The following GALNT10 variants were observed in gnomAD, a reference collection of about 807,000 sequenced individuals.
The protein encoded by GALNT10 is GalNAc transferase 10.
GALNT10 carries 41 observed loss-of-function variants against 75.0 expected under a neutral mutation model. The observed-to-expected ratio is 0.55, with a 90% confidence interval of 0.43 to 0.71. The LOEUF is 0.71. Ranked by LOEUF, GALNT10 falls within the 30% of genes least tolerant of loss-of-function variation. The pLI is 0.00. For synonymous variants in GALNT10, 302 were observed against 313.0 expected, an observed-to-expected ratio of 0.96 and a Z score of 0.37; for missense variants, 727 against 818.5, an observed-to-expected ratio of 0.89 and a Z score of 1.36.
chr5:154,260,887 A>T (rs971122290), intron 1 of GALNT10, among the ~76,000 whole-genome samples: 2 of 152,224 alleles, frequency 1.3e-5, no homozygotes. Context: ...TTACAATTTA[A>T]TTAACTGGTA....
intron 3 of GALNT10, among the ~76,000 whole-genome samples, chr5:154,305,967 G>A (rs144404049): frequency 2.6e-4 from 39 of 152,258 alleles, no homozygotes; most frequent in African/African-American, 7.7e-4. Flanking sequence ...GCAGTGAGCC[G>A]AGATTGCGCC....
chr5:154,299,725 C>T (rs79028314), intron 3 of GALNT10, among the ~76,000 whole-genome samples: 2,666 of 152,278 alleles, frequency 0.018, 78 homozygotes, highest in African/African-American at 0.061. Flanking sequence ...TAGGATTGGG[C>T]CCTTTTCCCA....
intron 7 of GALNT10, chr5:154,386,748 G>A: frequency 1.9e-6 from 1 of 533,046 alleles, no homozygotes. Context: ...CTGAGATTGA[G>A]ATGTCCAGCA....
chr5:154,243,478 A>T (rs540601745), intron 1 of GALNT10, among the ~76,000 whole-genome samples: 1 of 152,180 alleles, frequency 6.6e-6, no homozygotes, highest in Non-Finnish European at 1.5e-5. Flanking sequence ...AAAAGTGCCA[A>T]TATTACGTAG....
At chr5:154,408,316 C>T (rs1432822010) in intron 8 of GALNT10, among the ~76,000 whole-genome samples, 1 of 152,028 alleles carries the variant, frequency 6.6e-6, no homozygotes, top group African/African-American at 2.4e-5. Context: ...CTGCTAACTC[C>T]CCTTTAACCT....
intron 4 of GALNT10, among the ~76,000 whole-genome samples, chr5:154,372,748 C>T (rs1338683659): frequency 6.6e-6 from 1 of 152,034 alleles, no homozygotes; most frequent in Non-Finnish European, 1.5e-5. Flanking sequence ...CCTCGGCAGC[C>T]CCTGGGGCAG....
At chr5:154,312,356 C>G (rs4958727) in intron 3 of GALNT10, among the ~76,000 whole-genome samples, 68,519 of 152,016 alleles carry the variant, frequency 0.45, 16,782 homozygotes, top group East Asian at 0.63. Context: ...CCTCTCCCCT[C>G]TCTATCCCCC....
At chr5:154,283,513 G>A (rs188168543) in intron 1 of GALNT10, among the ~76,000 whole-genome samples, 4 of 152,178 alleles carry the variant, frequency 2.6e-5, no homozygotes, top group African/African-American at 9.6e-5. Context: ...AGAGTGAGGT[G>A]GGATAGGTAA....
intron 1 of GALNT10, among the ~76,000 whole-genome samples, chr5:154,220,815 C>G (rs1292453431): frequency 6.6e-6 from 1 of 152,156 alleles, no homozygotes; most frequent in Non-Finnish European, 1.5e-5. Flanking sequence ...GGCCACAGGA[C>G]CAAGCCAGTG....
chr5:154,291,059 G>T (rs566415081), intron 1 of GALNT10, among the ~76,000 whole-genome samples: 40 of 152,288 alleles, frequency 2.6e-4, no homozygotes, highest in African/African-American at 8.4e-4. Context: ...GGGATAGAGG[G>T]AGCAGTGTGC....
chr5:154,258,684 A>T (rs933788742), intron 1 of GALNT10, among the ~76,000 whole-genome samples: 2 of 152,132 alleles, frequency 1.3e-5, no homozygotes, highest in Admixed American at 1.3e-4. Flanking sequence ...ACTGTAAATG[A>T]TTCTTATTTC....
Position 154,416,543 on chromosome 5 carries a change from G to A in GALNT10, c.1654-271G>A, listed in dbSNP as rs1756515674. Among the ~76,000 whole-genome samples the A allele has an allele frequency of 6.7e-6, 1 of 149,138 alleles. No individual in the cohort carries two copies. Among genetic ancestry groups the A allele is most frequent in the Non-Finnish European group, 1.5e-5 (1 of 67,606 alleles). ...CGATAAGGACCAGTGAGGTCTGACA[G>A]GAGGTGGGCAGTGTCTAGGTCCCAG... On this transcript the variant is annotated intron_variant, in intron 11 of 11. Coordinates refer to ENST00000297107, the MANE Select transcript of GALNT10 (RefSeq NM_198321.4). This position sits in a 1 kb window ranked among gnomAD's most constrained non-coding sequence, Gnocchi z 4.5.
chr5:154,358,255 T>A (rs1755326879), intron 4 of GALNT10, among the ~76,000 whole-genome samples: 1 of 152,090 alleles, frequency 6.6e-6, no homozygotes, highest in South Asian at 2.1e-4. Context: ...GGGACGTGTC[T>A]CTAGTAAATG....
In GALNT10 at chr5:154,198,638, G is replaced by A. The variant is rs556808482; in HGVS notation, c.159+7613G>A. ...CCCTCTTCCTGAAACTTCGGAATGCGAAGCAATTGTTGGGGATGCCTTCTC... is the reference window on the plus strand; with the variant it reads ...CCCTCTTCCTGAAACTTCGGAATGCAAAGCAATTGTTGGGGATGCCTTCTC... On this transcript the variant is annotated intron_variant, in intron 1 of 11. Coordinates refer to ENST00000297107, the MANE Select transcript of GALNT10 (RefSeq NM_198321.4). Among the ~76,000 whole-genome samples the A allele has an allele frequency of 7.2e-5, 11 of 152,298 alleles. No individual in the cohort carries two copies. The South Asian group carries it at 1.7e-3, about 23-fold the overall frequency.
At chr5:154,288,546 A>G (rs111540526) in intron 1 of GALNT10, among the ~76,000 whole-genome samples, 1 of 151,806 alleles carries the variant, frequency 6.6e-6, no homozygotes, top group Non-Finnish European at 1.5e-5. Flanking sequence ...CCAATTTATT[A>G]TTTAATGTGA....
rs1253138549 is a variant in GALNT10, at chr5:154,409,472, C to T, written c.1165-69C>T. The T allele has an allele frequency of 5.9e-6, 6 of 1,025,418 alleles. No individual in the cohort carries two copies. The highest frequency in any genetic ancestry group is 1.3e-5 in the South Asian group (1 of 79,456). 63.5% of individuals were successfully genotyped at this position (1,025,418 alleles called of 1,614,324 possible). A position where few individuals can be genotyped will look rare whatever the true frequency, so the allele number is the denominator to read the frequency against. ...GGGTTGACCTCGACCTGCCAGGACC[C>T]TTTTCACCCCACTGCCTGGCTTTGG... is the stretch of plus-strand genomic sequence containing the variant. On this transcript the variant is annotated intron_variant, in intron 8 of 11. Coordinates refer to ENST00000297107, the MANE Select transcript of GALNT10 (RefSeq NM_198321.4). This position sits in a 1 kb window ranked among gnomAD's most constrained non-coding sequence, Gnocchi z 4.5.
At chr5:154,319,320 A>G (rs1308909939) in intron 3 of GALNT10, among the ~76,000 whole-genome samples, 1 of 152,268 alleles carries the variant, frequency 6.6e-6, no homozygotes, top group African/African-American at 2.4e-5. Flanking sequence ...AGCAGAGATC[A>G]GCCCCACATG....
At chr5:154,361,177 TC>T (rs1035983887) in intron 4 of GALNT10, among the ~76,000 whole-genome samples, 66 of 152,112 alleles carry the variant, frequency 4.3e-4, no homozygotes, top group African/African-American at 1.4e-3. Context: ...CTGCCCTTGG[TC>T]CCCCTCTCCA....
At chr5:154,257,181 C>T (rs1753627904) in intron 1 of GALNT10, among the ~76,000 whole-genome samples, 1 of 152,124 alleles carries the variant, frequency 6.6e-6, no homozygotes, top group Non-Finnish European at 1.5e-5. Context: ...CTTATCTAGC[C>T]AGTTGCAAAG....
Sources: gnomAD v4.1 joint callset for allele counts (sites outside exome capture counted in the v4.1 genomes callset) on GRCh38, gnomAD v4.1.1 for gene constraint, Gnocchi (gnomAD v3.1) non-coding constraint, MANE v1.5 for transcripts, NCBI Gene and HGNC (gene_info 2026-07-23, HGNC 2026-07-21) for gene names.